ZSWIM6: variants seen among roughly 807,000 people sequenced by gnomAD.
The protein encoded by ZSWIM6 is zinc finger SWIM domain-containing protein 6.
ZSWIM6 carries 9 observed loss-of-function variants against 113.2 expected under a neutral mutation model. The ratio of observed to expected loss-of-function variants is 0.08; its 90% CI spans 0.05 to 0.14. The LOEUF (loss-of-function observed/expected upper bound fraction) is 0.14, where lower values mean the gene tolerates loss of function less well. Ranked by LOEUF, ZSWIM6 falls within the 10% of genes least tolerant of loss-of-function variation. ZSWIM6 has a pLI of 1.00. For synonymous variants in ZSWIM6, 611 were observed against 606.5 expected (o/e 1.01, Z -0.11); for missense variants, 1,162 against 1,552.2 (o/e 0.75, Z 4.22).
chr5:61,514,292 A>G lies in ZSWIM6; in HGVS notation c.1334-6971A>G, dbSNP rs552426217. 4.0e-5 allele frequency among the ~76,000 whole-genome samples: 6 copies of G among 150,966 alleles called. No homozygotes were observed. The East Asian group carries it at 1.2e-3, about 29-fold the overall frequency. On this transcript the variant is annotated intron_variant, in intron 4 of 13. Coordinates refer to ENST00000252744, the MANE Select transcript of ZSWIM6 (RefSeq NM_020928.2). ...TAAGTGTTTTTTTTTTTTCATTTGA[A>G]CTTATCTAATATGACCTTCTTATAC...
At chr5:61,378,057 A>G (rs779739915) in intron 1 of ZSWIM6, among the ~76,000 whole-genome samples, 48 of 152,352 alleles carry the variant, frequency 3.2e-4, no homozygotes, top group Non-Finnish European at 5.6e-4. Flanking sequence ...TTGTGTGGGA[A>G]TGTAAATTAG....
intron 4 of ZSWIM6, among the ~76,000 whole-genome samples, chr5:61,501,695 C>T (rs960302577): frequency 6.6e-6 from 1 of 152,174 alleles, no homozygotes; most frequent in African/African-American, 2.4e-5. Flanking sequence ...CATTGTAATA[C>T]ACTTGAGTGT....
At chr5:61,354,879 A>G (rs758394633) in intron 1 of ZSWIM6, among the ~76,000 whole-genome samples, 123 of 152,274 alleles carry the variant, frequency 8.1e-4, no homozygotes, top group Non-Finnish European at 1.3e-3. Flanking sequence ...TTGATCATCA[A>G]CTGTATTAAG....
rs537886911 is a variant in ZSWIM6 at position 61,500,215 on chromosome 5, C to A, written c.1333+5805C>A. Among the ~76,000 whole-genome samples, 60 of 151,940 alleles carry A rather than the reference C, an allele frequency of 3.9e-4. No homozygotes were observed. In the South Asian group the frequency reaches 0.013, roughly 32 times the overall value. On this transcript the variant is annotated intron_variant, in intron 4 of 13. Coordinates refer to ENST00000252744, the MANE Select transcript of ZSWIM6 (RefSeq NM_020928.2). ...GATCACGGCTCACCACAATCTCTGC[C>A]TCCCAGGTTCCAGTAATTCTCCTAC...
chr5:61,401,422 T>A (rs1378645503), intron 1 of ZSWIM6, among the ~76,000 whole-genome samples: 1 of 152,116 alleles, frequency 6.6e-6, no homozygotes, highest in African/African-American at 2.4e-5. Context: ...CATACTGAAG[T>A]CTTACTCCAG....
intron 1 of ZSWIM6, among the ~76,000 whole-genome samples, chr5:61,349,500 G>A (rs1267071811): frequency 6.6e-6 from 1 of 152,172 alleles, no homozygotes; most frequent in African/African-American, 2.4e-5. Flanking sequence ...TAGTCTTTGA[G>A]GGAGGTGAAT....
At chr5:61,332,999 T>TA in intron 1 of ZSWIM6, 51 bp downstream of exon 1, 10 of 622,584 alleles carry the variant, frequency 1.6e-5, no homozygotes, top group South Asian at 5.5e-5. Flanking sequence ...AGTCCCTGGG[T>TA]GGGGGGGGGG....
intron 1 of ZSWIM6, among the ~76,000 whole-genome samples, chr5:61,405,218 G>A (rs1746020342): frequency 6.6e-6 from 1 of 152,140 alleles, no homozygotes; most frequent in Admixed American, 6.5e-5. Context: ...TATGTTTGAA[G>A]ATATGGTGGG....
At position 61,543,673 on chromosome 5, in the gene ZSWIM6, C is replaced by T. The variant is rs1749804151; in HGVS notation, c.3004C>T (p.Leu1002Phe). ...GAACTGTGCCCTCTCTGCGCTAACCCTTTGTGAAAAGGATCACATAGCTTT... is the reference window on the plus strand; with the variant it reads ...GAACTGTGCCCTCTCTGCGCTAACCTTTTGTGAAAAGGATCACATAGCTTT... ...PQNCALSALTLCEKDHIAFET... is the reference protein window; with the variant it reads ...PQNCALSALTFCEKDHIAFET... Residue 1002 changes from leucine to phenylalanine, a missense_variant, in exon 14 of 14, where the codon CTT (leucine) becomes TTT (phenylalanine). Physicochemically the swap from Leu to Phe is conservative, Grantham distance 22 (BLOSUM62 0). Around this residue, in one of 4 missense-constraint regions of ZSWIM6, gnomAD observed 620 missense variants for 804.6 expected, o/e 0.77. Coordinates refer to ENST00000252744, the MANE Select transcript of ZSWIM6 (RefSeq NM_020928.2). The surrounding 1 kb of genome is among the most constrained non-coding windows in gnomAD (Gnocchi z 4.3). 6.4e-7 allele frequency: 1 copy of T among 1,551,768 alleles called. No individual in the cohort carries two copies. The highest frequency in any genetic ancestry group is 8.7e-7 in the Non-Finnish European group (1 of 1,147,018).
chr5:61,382,809 T>TA (rs572591924), intron 1 of ZSWIM6, among the ~76,000 whole-genome samples: 23 of 128,416 alleles, frequency 1.8e-4, no homozygotes, highest in Middle Eastern at 8.0e-3. Context: ...TGTCTAAAAA[T>TA]AAAAAAAAAA....
chr5:61,420,598 A>G (rs1334646399), intron 1 of ZSWIM6, among the ~76,000 whole-genome samples: 2 of 152,106 alleles, frequency 1.3e-5, no homozygotes, highest in Non-Finnish European at 2.9e-5. Flanking sequence ...GAGTGGTGGT[A>G]GAGAGTGTGT....
chr5:61,456,444 A>C (rs374384338), intron 1 of ZSWIM6, among the ~76,000 whole-genome samples: 24 of 152,098 alleles, frequency 1.6e-4, no homozygotes, highest in South Asian at 2.1e-4. Context: ...GGCAGAGGTG[A>C]CCCCACCAAG....
intron 1 of ZSWIM6, among the ~76,000 whole-genome samples, chr5:61,438,686 G>A (rs1230411583): frequency 6.6e-6 from 1 of 152,208 alleles, no homozygotes; most frequent in East Asian, 1.9e-4. Context: ...AGCAGATGCT[G>A]TGGTGCTGAA....
chr5:61,498,679 T>C (rs1748383946), intron 4 of ZSWIM6, among the ~76,000 whole-genome samples: 2 of 152,298 alleles, frequency 1.3e-5, no homozygotes, highest in East Asian at 1.9e-4. Context: ...ACCTGCTCCA[T>C]GGACCCAAAT....
intron 1 of ZSWIM6, among the ~76,000 whole-genome samples, chr5:61,386,453 A>T (rs1425904054): frequency 6.6e-6 from 1 of 151,998 alleles, no homozygotes; most frequent in Non-Finnish European, 1.5e-5. Flanking sequence ...TCATTTTTTG[A>T]TTTACATTTT....
chr5:61,390,527 G>T, intron 1 of ZSWIM6: 3 of 449,016 alleles, frequency 6.7e-6, no homozygotes, highest in Non-Finnish European at 1.2e-5. Context: ...CCTTGAATTT[G>T]CCCCTTGCTC....
At position 61,332,855 on chromosome 5, in the gene ZSWIM6, G is replaced by T; in HGVS notation, c.583G>T (p.Gly195Trp). The T allele has an allele frequency of 8.5e-7, 1 of 1,180,534 alleles. No homozygotes were observed. The highest frequency in any genetic ancestry group is 1.1e-6 in the Non-Finnish European group (1 of 937,378). 73.1% of individuals were successfully genotyped at this position (1,180,534 alleles called of 1,614,324 possible). The change falls in exon 1 of 14, where the codon GGG becomes TGG. Residue 195 changes from glycine (G) to tryptophan (W), a missense_variant. Gly to Trp is a radical substitution (Grantham distance 184). Around this residue, in one of 4 missense-constraint regions of ZSWIM6, gnomAD observed 333 missense variants for 293.4 expected, o/e 1.13. Coordinates refer to ENST00000252744, the MANE Select transcript of ZSWIM6 (RefSeq NM_020928.2). ...CGGGGCCCCGTCGGTGGGGGCTGCCGGGGCGGCGGACGGCGGCGACGAGAC... is the reference window on the plus strand; with the variant it reads ...CGGGGCCCCGTCGGTGGGGGCTGCCTGGGCGGCGGACGGCGGCGACGAGAC... ...GAGAPSVGAA[G>W]AADGGDETRL...
intron 1 of ZSWIM6, among the ~76,000 whole-genome samples, chr5:61,384,753 C>T (rs540539861): frequency 2.0e-5 from 3 of 151,990 alleles, no homozygotes; most frequent in Non-Finnish European, 4.4e-5. Context: ...TTTGCTCTGC[C>T]ATCTTGTAAA....
At chr5:61,443,949 ATTTT>A (rs917206951) in intron 1 of ZSWIM6, among the ~76,000 whole-genome samples, 11 of 152,084 alleles carry the variant, frequency 7.2e-5, no homozygotes, top group African/African-American at 2.7e-4. Flanking sequence ...TTTTTAAAAA[ATTTT>A]ATTATTATTA....
Sources: allele counts gnomAD v4.1 joint callset (sites outside exome capture counted in the v4.1 genomes callset), GRCh38; gene constraint gnomAD v4.1.1; regional missense constraint gnomAD v4.1.1; non-coding constraint Gnocchi (gnomAD v3.1); transcripts MANE v1.5; gene names NCBI Gene and HGNC (gene_info 2026-07-23, HGNC 2026-07-21).